The following SDK1 variants were observed in gnomAD, a reference collection of about 807,000 sequenced individuals.
SDK1 encodes protein sidekick-1.
A neutral mutation model predicts 245.5 loss-of-function variants in SDK1; 157 were observed. That is an observed-to-expected ratio of 0.64 (90% confidence interval 0.56 to 0.73). The LOEUF is 0.73. Ranked by LOEUF, SDK1 falls within the 30% of genes least tolerant of loss-of-function variation. The pLI, the probability that SDK1 is intolerant of heterozygous loss-of-function variation, is 0.00. For synonymous variants in SDK1, 1,647 were observed against 1,278.5 expected (o/e 1.29, Z -6.15); for missense variants, 3,583 against 3,002.3 (o/e 1.19, Z -4.52).
At chr7:4,056,036 A>C (rs987281878) in intron 19 of SDK1, among the ~76,000 whole-genome samples, 3 of 152,182 alleles carry the variant, frequency 2.0e-5, no homozygotes, top group Non-Finnish European at 4.4e-5. Context: ...AAGTTTGTTT[A>C]ATGGCCTAGG....
chr7:3,516,323 C>G (rs1782750380), intron 1 of SDK1, among the ~76,000 whole-genome samples: 1 of 151,992 alleles, frequency 6.6e-6, no homozygotes, highest in South Asian at 2.1e-4. Flanking sequence ...ATAGGATACA[C>G]AGACAAACCC....
chr7:3,960,994 A>G (rs1421849160), intron 8 of SDK1, among the ~76,000 whole-genome samples: 1 of 152,240 alleles, frequency 6.6e-6, no homozygotes, highest in Non-Finnish European at 1.5e-5. Flanking sequence ...TTCCCTATGT[A>G]CTAACAATTA....
chr7:3,709,585 G>T (rs577862163), intron 4 of SDK1, among the ~76,000 whole-genome samples: 4 of 152,252 alleles, frequency 2.6e-5, no homozygotes, highest in South Asian at 2.1e-4. Context: ...CCATTTTTCT[G>T]TTAAATTCCT....
chr7:3,949,731 G>A (rs928393802), intron 5 of SDK1, among the ~76,000 whole-genome samples: 4 of 152,064 alleles, frequency 2.6e-5, no homozygotes, highest in East Asian at 1.9e-4. Flanking sequence ...AGAGAAAAGC[G>A]GCAAAAAATA....
At chr7:3,819,546 T>C (rs1423345164) in intron 4 of SDK1, among the ~76,000 whole-genome samples, 4 of 152,238 alleles carry the variant, frequency 2.6e-5, no homozygotes, top group Admixed American at 2.0e-4. Context: ...GTAGTAAATA[T>C]TCATATTTAA....
rs1000778746 is a variant in SDK1, at chr7:3,680,256, A to G, written c.713+38151A>G. 2.0e-5 allele frequency among the ~76,000 whole-genome samples: 3 copies of G among 152,260 alleles called. No homozygotes were observed. In the South Asian group the frequency reaches 6.2e-4, roughly 32 times the overall value. ...TTCTCAAAATGACTCAATTACGGAG[A>G]TGGAGAAAATATTAATGGTCGCAGG... On this transcript the variant is annotated intron_variant, in intron 4 of 44. Coordinates refer to ENST00000404826, the MANE Select transcript of SDK1 (RefSeq NM_152744.4).
intron 10 of SDK1, among the ~76,000 whole-genome samples, chr7:3,968,396 G>A (rs536347141): frequency 3.9e-5 from 6 of 152,110 alleles, no homozygotes; most frequent in African/African-American, 1.2e-4. Context: ...GGGCTGTATC[G>A]GGCTGACATG....
intron 4 of SDK1, among the ~76,000 whole-genome samples, chr7:3,770,731 C>G (rs1443678340): frequency 1.3e-5 from 2 of 152,056 alleles, no homozygotes; most frequent in African/African-American, 4.8e-5. Context: ...CAGTGGGCTG[C>G]CAGTTGGTTG....
chr7:3,836,045 C>T (rs1780022234), intron 5 of SDK1, among the ~76,000 whole-genome samples: 1 of 152,182 alleles, frequency 6.6e-6, no homozygotes, highest in African/African-American at 2.4e-5. Context: ...TGGGAGATTT[C>T]TCAGAGATGG....
chr7:3,349,243 A>G (rs1387231892), intron 1 of SDK1, among the ~76,000 whole-genome samples: 1 of 152,072 alleles, frequency 6.6e-6, no homozygotes, highest in Non-Finnish European at 1.5e-5. Flanking sequence ...GCCTATTTAG[A>G]TGTATACCTT....
rs1371549049 is a variant in SDK1 at position 3,594,607 on chromosome 7, GT to G, written c.299-24470del. The stretch of plus-strand genomic sequence containing the variant: ...CACATCCTTGCCAACACTTGTAATT[GT>G]TTGTCTTTTTGATTCTAGTCACTTT... On this transcript the variant is annotated intron_variant, in intron 1 of 44. Transcript: ENST00000404826. Among the ~76,000 whole-genome samples, 3 of 152,118 alleles carry G rather than the reference GT, an allele frequency of 2.0e-5. No individual in the cohort carries two copies. The East Asian group carries it at 5.8e-4, about 29-fold the overall frequency.
chr7:4,246,375 A>T (rs570194381), intron 44 of SDK1, among the ~76,000 whole-genome samples: 30 of 152,146 alleles, frequency 2.0e-4, no homozygotes, highest in South Asian at 1.5e-3. Flanking sequence ...AAGATCAGTA[A>T]CTTTCCCAGT....
rs1785272339 is a variant in SDK1 at position 3,718,570 on chromosome 7, AATAAATAAATAAATAAATAT to A, written c.713+76466_713+76485del. On this transcript the variant is annotated intron_variant, in intron 4 of 44. Coordinates refer to ENST00000404826, the MANE Select transcript of SDK1 (RefSeq NM_152744.4). ...AAATAAATAAATAAATAAATAAATA[AATAAATAAATAAATAAATAT>A]CTAACACTCATTCATGCTAAAAATT... 2.8e-4 allele frequency among the ~76,000 whole-genome samples: 23 copies of A among 81,138 alleles called. 2 individuals are homozygous for A. In the South Asian group the frequency reaches 7.6e-3, roughly 27 times the overall value. 53.2% of individuals were successfully genotyped at this position (81,138 alleles called of 152,430 possible).
intron 40 of SDK1, among the ~76,000 whole-genome samples, chr7:4,229,773 T>C (rs555773082): frequency 6.6e-6 from 1 of 152,304 alleles, no homozygotes; most frequent in African/African-American, 2.4e-5. Flanking sequence ...TTAGTGTCTA[T>C]TACAACATAA....
At chr7:4,244,335 C>G (rs559070980) in intron 43 of SDK1, among the ~76,000 whole-genome samples, 1 of 152,318 alleles carries the variant, frequency 6.6e-6, no homozygotes, top group South Asian at 2.1e-4. Flanking sequence ...GGACATGGTC[C>G]CTTTGAGCAC....
intron 22 of SDK1, among the ~76,000 whole-genome samples, chr7:4,099,720 C>T (rs555571259): frequency 2.1e-5 from 3 of 145,162 alleles, no homozygotes; most frequent in South Asian, 2.3e-4. Context: ...GCTAATGCAC[C>T]GTGGGCAGGG....
intron 1 of SDK1, among the ~76,000 whole-genome samples, chr7:3,429,433 C>G (rs1266022755): frequency 6.6e-6 from 1 of 151,984 alleles, no homozygotes; most frequent in Non-Finnish European, 1.5e-5. Context: ...AAATATATAA[C>G]TCCTAAATGA....
intron 1 of SDK1, among the ~76,000 whole-genome samples, chr7:3,558,865 T>G (rs1012880044): frequency 6.6e-6 from 1 of 152,260 alleles, no homozygotes; most frequent in African/African-American, 2.4e-5. Flanking sequence ...ACAAATAATT[T>G]TTGTAGACTG....
intron 1 of SDK1, among the ~76,000 whole-genome samples, chr7:3,485,133 A>G (rs1781643779): frequency 6.6e-6 from 1 of 152,144 alleles, no homozygotes; most frequent in African/African-American, 2.4e-5. Flanking sequence ...CCGTATGAAC[A>G]TTCTTTTTCT....
Sources: gnomAD v4.1 joint callset for allele counts (sites outside exome capture counted in the v4.1 genomes callset) on GRCh38, gnomAD v4.1.1 for gene constraint, MANE v1.5 for transcripts, NCBI Gene and HGNC (gene_info 2026-07-23, HGNC 2026-07-21) for gene names.